Variants in DPYD observed in about 807,000 individuals in gnomAD.
DPYD encodes dihydropyrimidine dehydrogenase [NADP(+)].
In DPYD, 109 loss-of-function variants were observed where a neutral mutation model predicts 116.2. That is an observed-to-expected ratio of 0.94 (90% CI 0.80 to 1.10). The LOEUF (loss-of-function observed/expected upper bound fraction) is 1.10. Ranked by LOEUF, DPYD falls within the 50% of genes least tolerant of loss-of-function variation. The pLI, the probability that DPYD is intolerant of heterozygous loss-of-function variation, is 0.00. For synonymous variants in DPYD, 440 were observed against 432.0 expected (o/e 1.02, Z -0.23); for missense variants, 1,302 against 1,254.5 (o/e 1.04, Z -0.57).
chr1:97,585,928 C>T (rs181547030), intron 10 of DPYD: 29 of 178,398 alleles, frequency 1.6e-4, no homozygotes, highest in Non-Finnish European at 2.6e-4. Flanking sequence ...TTCAATGCAC[C>T]TTCCCATGTT....
chr1:97,297,306 C>T (rs1054281320), intron 18 of DPYD, among the ~76,000 whole-genome samples: 4 of 152,158 alleles, frequency 2.6e-5, no homozygotes, highest in African/African-American at 9.7e-5. Flanking sequence ...GCAGTCTCCA[C>T]CTTCAAGTAT....
chr1:97,794,453 A>G (rs1667470875), intron 3 of DPYD, among the ~76,000 whole-genome samples: 1 of 152,242 alleles, frequency 6.6e-6, no homozygotes, highest in Non-Finnish European at 1.5e-5. Flanking sequence ...ATGAAAAGAT[A>G]TTCAGCATCA....
At chr1:97,452,089 C>T (rs1305105981) in intron 13 of DPYD, among the ~76,000 whole-genome samples, 1 of 152,112 alleles carries the variant, frequency 6.6e-6, no homozygotes, top group African/African-American at 2.4e-5. Context: ...GCTTATTCAA[C>T]AAAACTGATT....
intron 12 of DPYD, among the ~76,000 whole-genome samples, chr1:97,533,067 AGTCTTTTG>A (rs1289338608): frequency 6.6e-6 from 1 of 151,436 alleles, no homozygotes; most frequent in Non-Finnish European, 1.5e-5. Flanking sequence ...TTTTTTTATT[AGTCTTTTG>A]GTATTTTGTG....
intron 11 of DPYD, among the ~76,000 whole-genome samples, chr1:97,559,345 T>A (rs995963184): frequency 6.6e-6 from 1 of 152,106 alleles, no homozygotes; most frequent in African/African-American, 2.4e-5. Flanking sequence ...ATTATTAAAA[T>A]ATAAGTGAAC....
chr1:97,118,158 T>G (rs1652128581), intron 20 of DPYD, among the ~76,000 whole-genome samples: 1 of 152,158 alleles, frequency 6.6e-6, no homozygotes, highest in African/African-American at 2.4e-5. Context: ...TATTTTTCCT[T>G]TTCTTTCGGT....
At chr1:97,864,131 C>T (rs975404644) in intron 2 of DPYD, among the ~76,000 whole-genome samples, 4 of 151,872 alleles carry the variant, frequency 2.6e-5, no homozygotes, top group Non-Finnish European at 2.9e-5. Context: ...TCTGTCTTTC[C>T]GTGACTAGAA....
chr1:97,562,317 C>T (rs915266503), intron 11 of DPYD, among the ~76,000 whole-genome samples: 2 of 152,138 alleles, frequency 1.3e-5, no homozygotes, highest in African/African-American at 4.8e-5. Flanking sequence ...GGGAGAAACA[C>T]TGGGTCATGT....
At chr1:97,600,816 A>C (rs1354909747) in intron 8 of DPYD, among the ~76,000 whole-genome samples, 2 of 152,222 alleles carry the variant, frequency 1.3e-5, no homozygotes, top group African/African-American at 4.8e-5. Context: ...TCCATGATAT[A>C]CACAGTTTAT....
intron 14 of DPYD, among the ~76,000 whole-genome samples, chr1:97,423,798 T>G (rs1674716288): frequency 6.6e-6 from 1 of 152,172 alleles, no homozygotes; most frequent in Admixed American, 6.6e-5. Context: ...TACCCTTTAC[T>G]TTCTAGTCCT....
intron 20 of DPYD, among the ~76,000 whole-genome samples, chr1:97,155,881 G>C (rs11165793): frequency 6.6e-6 from 1 of 151,928 alleles, no homozygotes; most frequent in African/African-American, 2.4e-5. Flanking sequence ...TGTATTATCT[G>C]TTCTAGTACT....
chr1:97,706,491 G>A (rs77198838), intron 5 of DPYD, among the ~76,000 whole-genome samples: 1 of 151,942 alleles, frequency 6.6e-6, no homozygotes, highest in Non-Finnish European at 1.5e-5. Flanking sequence ...TTCTTTCACT[G>A]TCCTAAAAAT....
At chr1:97,159,491 G>C (rs905059834) in intron 20 of DPYD, among the ~76,000 whole-genome samples, 14 of 151,872 alleles carry the variant, frequency 9.2e-5, no homozygotes, top group African/African-American at 3.4e-4. Context: ...GAGGAAGAAA[G>C]AATGAAACAG....
intron 19 of DPYD, among the ~76,000 whole-genome samples, chr1:97,208,854 C>T (rs936813568): frequency 2.6e-5 from 4 of 152,060 alleles, no homozygotes; most frequent in African/African-American, 7.2e-5. Context: ...ACTAGGAAGG[C>T]CTCCCTTGTT....
chr1:97,689,931 G>T (rs1432100018), intron 7 of DPYD, among the ~76,000 whole-genome samples: 1 of 151,998 alleles, frequency 6.6e-6, no homozygotes, highest in African/African-American at 2.4e-5. Flanking sequence ...TCTTAAAACA[G>T]CTTGAGAGAT....
chr1:97,736,402 CA>C (rs1313479445), intron 4 of DPYD, among the ~76,000 whole-genome samples: 1 of 148,756 alleles, frequency 6.7e-6, no homozygotes, highest in African/African-American at 2.5e-5. Context: ...GATAGTCTGG[CA>C]ACAAAAAAAA....
At chr1:97,125,425 A>G (rs368720617) in intron 20 of DPYD, among the ~76,000 whole-genome samples, 7 of 152,234 alleles carry the variant, frequency 4.6e-5, no homozygotes, top group African/African-American at 7.2e-5. Flanking sequence ...AATTAAGTAG[A>G]TTTGAGTAAA....
intron 20 of DPYD, among the ~76,000 whole-genome samples, chr1:97,116,977 C>T (rs977574158): frequency 7.2e-6 from 1 of 139,566 alleles, no homozygotes; most frequent in African/African-American, 2.7e-5. Context: ...GGCGAAACCC[C>T]ATGTCTACTA....
chr1:97,134,194 G>A (rs776281289), intron 20 of DPYD, among the ~76,000 whole-genome samples: 7 of 150,990 alleles, frequency 4.6e-5, no homozygotes, highest in Non-Finnish European at 5.9e-5. Flanking sequence ...GCTGGCTCTA[G>A]GCTGACCATA....
Sources: allele counts gnomAD v4.1 joint callset (sites outside exome capture counted in the v4.1 genomes callset), GRCh38; gene constraint gnomAD v4.1.1; transcripts MANE v1.5; gene names NCBI Gene and HGNC (gene_info 2026-07-23, HGNC 2026-07-21).